NPY: variants seen among roughly 807,000 people sequenced by gnomAD.
NPY encodes the protein neuropeptide Y.
A neutral mutation model predicts 13.2 loss-of-function variants in NPY; 11 were observed. The observed-to-expected ratio is 0.83, with a 90% confidence interval of 0.52 to 1.38. The LOEUF is 1.38. Among genes scored for constraint, NPY ranks in the 40% most tolerant of loss-of-function variants. NPY has a pLI of 0.00. For missense variants in NPY, 109 were observed against 125.1 expected (o/e 0.87, Z 0.61); for synonymous variants, 51 against 55.6 (o/e 0.92, Z 0.37).
intron 2 of NPY, among the ~76,000 whole-genome samples, chr7:24,288,407 A>G (rs971614343): frequency 6.6e-6 from 1 of 152,228 alleles, no homozygotes; most frequent in African/African-American, 2.4e-5. Flanking sequence ...AAATTTAGAT[A>G]TAATTTTGCT....
chr7:24,286,752 A>G (rs962466518), intron 2 of NPY, among the ~76,000 whole-genome samples: 3 of 152,236 alleles, frequency 2.0e-5, no homozygotes, highest in African/African-American at 2.4e-5. Context: ...ATAATATTTT[A>G]TATTCCATAC....
chr7:24,291,724 T>G lies in NPY; in HGVS notation c.*37T>G. 1 of 1,613,636 alleles carries G rather than the reference T, an allele frequency of 6.2e-7. No homozygotes were observed. The highest frequency in any genetic ancestry group is 8.5e-7 in the Non-Finnish European group (1 of 1,179,544). The stretch of plus-strand genomic sequence containing the variant: ...ACTTGCTCTCTGGCCTTTTCCTATT[T>G]TCAGCCCATATTTCATCGTGTAAAA... On this transcript the variant is annotated 3_prime_UTR_variant, in exon 4 of 4. Transcript: ENST00000242152.
chr7:24,290,483 C>A (rs140893749), intron 3 of NPY, among the ~76,000 whole-genome samples: 18 of 152,232 alleles, frequency 1.2e-4, no homozygotes, highest in African/African-American at 3.9e-4. Flanking sequence ...GTGTGACTGA[C>A]GTGGCTCTCC....
At position 24,291,699 on chromosome 7, in the gene NPY, A is replaced by G. The variant is rs1787620743; in HGVS notation, c.*12A>G. The G allele has an allele frequency of 6.2e-7, 1 of 1,613,926 alleles. No individual in the cohort carries two copies. Among genetic ancestry groups the G allele is most frequent in the Admixed American group, 1.7e-5 (1 of 60,002 alleles). ...CTGCAATGTGGTGATGGGAAATGAG[A>G]CTTGCTCTCTGGCCTTTTCCTATTT... On this transcript the variant is annotated 3_prime_UTR_variant, in exon 4 of 4. Transcript: ENST00000242152.
Position 24,285,430 on chromosome 7 carries a change from T to C in NPY, c.188+2T>C. On this transcript the variant is annotated splice_donor_variant, in intron 2 of 3. Transcript: ENST00000242152. LOFTEE classifies it high-confidence loss of function. The surrounding 1 kb of genome is among the most constrained non-coding windows in gnomAD (Gnocchi z 4.9). Reference sequence around the variant, plus strand: ...CATCAACCTCATCACCAGGCAGAGGTGGGTGGGACCGCGGGACCGATTCCG... The same window carrying C: ...CATCAACCTCATCACCAGGCAGAGGCGGGTGGGACCGCGGGACCGATTCCG... 6.2e-7 allele frequency: 1 copy of C among 1,608,218 alleles called. No individual in the cohort carries two copies. Among genetic ancestry groups the C allele is most frequent in the Non-Finnish European group, 8.5e-7 (1 of 1,175,656 alleles).
rs550230631 is a variant in NPY at position 24,291,750 on chromosome 7, C to T, written c.*63C>T. On this transcript the variant is annotated 3_prime_UTR_variant, in exon 4 of 4. Transcript: ENST00000242152. ...TCAGCCCATATTTCATCGTGTAAAA[C>T]GAGAATCCACCCATCCTACCAATGC... The T allele has an allele frequency of 3.5e-5, 56 of 1,589,082 alleles. No homozygotes were observed. The highest frequency in any genetic ancestry group is 2.6e-4 in the African/African-American group (19 of 74,444).
intron 3 of NPY, among the ~76,000 whole-genome samples, chr7:24,291,398 A>G (rs932836967): frequency 6.6e-6 from 1 of 152,122 alleles, no homozygotes; most frequent in Non-Finnish European, 1.5e-5. Context: ...CTCCTTTGAT[A>G]CATACAGAGC....
rs767495327 is a variant in NPY at position 24,285,461 on chromosome 7, G to T, written c.188+33G>T. On this transcript the variant is annotated intron_variant, in intron 2 of 3. Coordinates refer to ENST00000242152, the MANE Select transcript of NPY (RefSeq NM_000905.4). The surrounding 1 kb of genome is among the most constrained non-coding windows in gnomAD (Gnocchi z 4.9). ...GGACCGCGGGACCGATTCCGGGAGC[G>T]CCAGTGCCTGCACACCAGGAGATCC... The T allele has an allele frequency of 3.1e-6, 5 of 1,593,678 alleles. No homozygotes were observed. The highest frequency in any genetic ancestry group is 3.4e-5 in the Admixed American group (2 of 59,284).
In NPY at chr7:24,285,270, C is replaced by T; in HGVS notation, c.30C>T (p.Ser10=). The T allele has an allele frequency of 4.3e-6, 7 of 1,614,058 alleles. No individual in the cohort carries two copies. Among genetic ancestry groups the T allele is most frequent in the East Asian group, 2.2e-5 (1 of 44,864 alleles). Residue 10 remains serine, a synonymous_variant, in exon 2 of 4, where the codon TCC becomes TCT. Transcript: ENST00000242152. This position sits in a 1 kb window ranked among gnomAD's most constrained non-coding sequence, Gnocchi z 4.9. The stretch of plus-strand genomic sequence containing the variant: ...TAGGTAACAAGCGACTGGGGCTGTC[C>T]GGACTGACCCTCGCCCTGTCCCTGC... The part of the protein sequence containing the change: MLGNKRLGL[S]GLTLALSLLV...
chr7:24,286,757 C>T (rs1787398562), intron 2 of NPY, among the ~76,000 whole-genome samples: 1 of 152,160 alleles, frequency 6.6e-6, no homozygotes, highest in Admixed American at 6.5e-5. Context: ...ATTTTATATT[C>T]CATACTTCCC....
chr7:24,289,371 G>C, intron 2 of NPY, 128 bp from the exon 3 acceptor site: 1 of 496,272 alleles, frequency 2.0e-6, no homozygotes, highest in Non-Finnish European at 3.5e-6. Flanking sequence ...CACCTAGCTT[G>C]CTTGTTACAG....
intron 3 of NPY, among the ~76,000 whole-genome samples, 154 bp downstream of exon 3, chr7:24,289,733 CCT>C (rs1787533110): frequency 6.6e-6 from 1 of 152,068 alleles, no homozygotes; most frequent in South Asian, 2.1e-4. Flanking sequence ...GCAGAGGAGA[CCT>C]CTCTTTTCAT....
In NPY at chr7:24,286,190, G is replaced by T. The variant is rs185490962; in HGVS notation, c.188+762G>T. 2.0e-3 allele frequency among the ~76,000 whole-genome samples: 300 copies of T among 152,282 alleles called. 1 individual carries two copies. Among genetic ancestry groups the T allele is most frequent in the African/African-American group, 6.8e-3 (284 of 41,548 alleles). The stretch of plus-strand genomic sequence containing the variant: ...AATTCAGGGATTACATGGAATCTGA[G>T]AAATTGTAAACTTTATTCTGAACAT... On this transcript the variant is annotated intron_variant, in intron 2 of 3. Coordinates refer to ENST00000242152, the MANE Select transcript of NPY (RefSeq NM_000905.4).
chr7:24,289,063 G>A (rs551414240), intron 2 of NPY, among the ~76,000 whole-genome samples: 11 of 152,004 alleles, frequency 7.2e-5, no homozygotes, highest in African/African-American at 9.7e-5. Context: ...AATATCATCT[G>A]GTCTCCTTGT....
chr7:24,290,006 G>A (rs1226595249), intron 3 of NPY, among the ~76,000 whole-genome samples: 1 of 152,060 alleles, frequency 6.6e-6, no homozygotes, highest in East Asian at 1.9e-4. Context: ...GTCCCATGTG[G>A]TTTTTACTCC....
chr7:24,291,565 C>T lies in NPY; in HGVS notation c.270-98C>T, dbSNP rs16127. On this transcript the variant is annotated intron_variant, in intron 3 of 3. Coordinates refer to ENST00000242152, the MANE Select transcript of NPY (RefSeq NM_000905.4). ...CAACAGGAAACTTTTCAACAGTTCC[C>T]GGTCATCTTTCACTTCAGATCTAAA... 2,568 of 1,408,056 alleles carry T rather than the reference C, an allele frequency of 1.8e-3. 38 individuals carry two copies. In the African/African-American group the frequency reaches 0.032, roughly 18 times the overall value. The allele number at this position is 1,408,056 out of a possible 1,614,324, so 87.2% of individuals were successfully genotyped here.
intron 2 of NPY, among the ~76,000 whole-genome samples, chr7:24,287,206 T>A (rs1787423874): frequency 6.6e-6 from 1 of 152,022 alleles, no homozygotes; most frequent in Non-Finnish European, 1.5e-5. Context: ...GGGACTTGGG[T>A]TTCATGGCAA....
Position 24,285,876 on chromosome 7 carries a change from G to C in NPY, c.188+448G>C, listed in dbSNP as rs16138. On this transcript the variant is annotated intron_variant, in intron 2 of 3. Transcript: ENST00000242152. This position sits in a 1 kb window ranked among gnomAD's most constrained non-coding sequence, Gnocchi z 4.9. ...AACCAAACCAAGGAGTAAACTGCAG[G>C]GTTGCCACAGACATTGTCAGACTTT... Among the ~76,000 whole-genome samples the C allele has an allele frequency of 0.31, 46,666 of 152,024 alleles. 7,660 individuals carry two copies. The highest frequency in any genetic ancestry group is 0.43 in the African/African-American group (17,825 of 41,464).
intron 2 of NPY, among the ~76,000 whole-genome samples, chr7:24,288,618 A>T (rs182872412): frequency 4.7e-5 from 7 of 150,140 alleles, no homozygotes; most frequent in African/African-American, 1.2e-4. Context: ...AGTGGGGAGC[A>T]TATACTACCC....
Sources: gnomAD v4.1 joint callset for allele counts (sites outside exome capture counted in the v4.1 genomes callset) on GRCh38, gnomAD v4.1.1 for gene constraint, Gnocchi (gnomAD v3.1) non-coding constraint, MANE v1.5 for transcripts, NCBI Gene and HGNC (gene_info 2026-07-23, HGNC 2026-07-21) for gene names.